Variants in BTAF1 observed in about 807,000 individuals in gnomAD.
BTAF1 encodes B-TFIID TATA-box binding protein associated factor 1.
A neutral mutation model predicts 227.1 loss-of-function variants in BTAF1; 38 were observed. The ratio of observed to expected loss-of-function variants is 0.17; its 90% CI spans 0.13 to 0.22. BTAF1 has a LOEUF of 0.22. BTAF1 is among the 10% of genes least tolerant of loss of function. The pLI is 1.00. For synonymous variants in BTAF1, 742 were observed against 751.9 expected (o/e 0.99, Z 0.21); for missense variants, 1,598 against 2,204.0 (o/e 0.73, Z 5.51).
Position 92,030,457 on chromosome 10 carries a change from A to C in BTAF1, c.*1524A>C, listed in dbSNP as rs541608428. The C allele has an allele frequency of 6.6e-6, 1 of 152,214 alleles. No homozygotes were observed. The highest frequency in any genetic ancestry group is 2.1e-4 in the South Asian group (1 of 4,822). The allele number at this position is 152,214 out of a possible 1,614,324, so 9.4% of individuals were successfully genotyped here. On this transcript the variant is annotated 3_prime_UTR_variant, in exon 38 of 38. Coordinates refer to ENST00000265990, the MANE Select transcript of BTAF1 (RefSeq NM_003972.3). ...TATGTAGAACATTTCAGTATATTTG[A>C]GTTGAATATTTTTTTATTAACTATT...
chr10:92,011,136 C>T lies in BTAF1; in HGVS notation c.4167C>T (p.Asp1389=). The change falls in exon 29 of 38, where the codon GAC becomes GAT. Residue 1389 remains aspartate (D), a synonymous_variant. Transcript: ENST00000265990. Reference sequence around the variant, plus strand: ...CTTCATATGATGTTGTGAGGAATGACATAGATTTCTTTAGGTAAGAATTAA... The same window carrying T: ...CTTCATATGATGTTGTGAGGAATGATATAGATTTCTTTAGGTAAGAATTAA... ...IVASYDVVRN[D]IDFFRNIKFN... 2 of 1,597,610 alleles carry T rather than the reference C, an allele frequency of 1.3e-6. No individual in the cohort carries two copies. Among genetic ancestry groups the T allele is most frequent in the Non-Finnish European group, 1.7e-6 (2 of 1,173,448 alleles).
intron 1 of BTAF1, 119 bp from the exon 2 acceptor site, chr10:91,935,538 G>T: frequency 9.6e-7 from 1 of 1,046,844 alleles, no homozygotes; most frequent in Non-Finnish European, 1.3e-6. Context: ...TCTTTCCGGG[G>T]CTCATTTATG....
intron 28 of BTAF1, among the ~76,000 whole-genome samples, chr10:92,010,156 T>C (rs1850199302): frequency 6.6e-6 from 1 of 152,142 alleles, no homozygotes; most frequent in South Asian, 2.1e-4. Context: ...GAGGTAGGAA[T>C]ACTGTTGTTC....
chr10:91,959,416 C>A, intron 9 of BTAF1: 1 of 525,160 alleles, frequency 1.9e-6, no homozygotes, highest in Non-Finnish European at 2.9e-6. Flanking sequence ...GACCGGTGTG[C>A]TTGATATGAG....
chr10:92,012,639 C>T (rs769731210), intron 30 of BTAF1, among the ~76,000 whole-genome samples: 26 of 151,166 alleles, frequency 1.7e-4, no homozygotes, highest in Middle Eastern at 3.4e-3. Context: ...GGCATGGTGA[C>T]GCACGCCTGT....
At chr10:91,930,163 T>C (rs1265028893) in intron 1 of BTAF1, among the ~76,000 whole-genome samples, 2 of 152,152 alleles carry the variant, frequency 1.3e-5, no homozygotes, top group South Asian at 2.1e-4. Flanking sequence ...ATACATAATA[T>C]GTATTAATAA....
chr10:91,980,921 C>A (rs1848021176), intron 15 of BTAF1, among the ~76,000 whole-genome samples: 2 of 152,078 alleles, frequency 1.3e-5, no homozygotes, highest in African/African-American at 4.8e-5. Flanking sequence ...AATATAGAGT[C>A]TAATTATTGT....
At position 91,926,932 on chromosome 10, in the gene BTAF1, T is replaced by C. The variant is rs148287011; in HGVS notation, c.14+2842T>C. Among the ~76,000 whole-genome samples, 6 of 152,318 alleles carry C rather than the reference T, an allele frequency of 3.9e-5. No homozygotes were observed. In the East Asian group the frequency reaches 9.6e-4, roughly 24 times the overall value. ...TCCACATTCTCAAACAAACATATCTTACCAAGTCCTTTGTGATCTGGTTCC... is the reference window on the plus strand; with the variant it reads ...TCCACATTCTCAAACAAACATATCTCACCAAGTCCTTTGTGATCTGGTTCC... On this transcript the variant is annotated intron_variant, in intron 1 of 37. Coordinates refer to ENST00000265990, the MANE Select transcript of BTAF1 (RefSeq NM_003972.3).
rs149912413 is a variant in BTAF1 at position 92,003,909 on chromosome 10, G to A, written c.3661-4214G>A. Among the ~76,000 whole-genome samples, 4 of 152,002 alleles carry A rather than the reference G, an allele frequency of 2.6e-5. No homozygotes were observed. In the East Asian group the frequency reaches 5.8e-4, roughly 22 times the overall value. On this transcript the variant is annotated intron_variant, in intron 25 of 37. Coordinates refer to ENST00000265990, the MANE Select transcript of BTAF1 (RefSeq NM_003972.3). ...TGTTTCTCCACATCTTCCTCCACAC[G>A]TTTTGTCTTTTTAATAATAGCTATT...
chr10:91,982,806 A>G (rs1848160354), intron 18 of BTAF1, 45 bp downstream of exon 18: 2 of 1,516,918 alleles, frequency 1.3e-6, no homozygotes, highest in Non-Finnish European at 1.8e-6. Flanking sequence ...TAAGTAAACC[A>G]ATTTCCATTA....
intron 6 of BTAF1, among the ~76,000 whole-genome samples, chr10:91,954,814 T>C (rs1432518063): frequency 6.6e-6 from 1 of 152,146 alleles, no homozygotes; most frequent in Non-Finnish European, 1.5e-5. Flanking sequence ...TTCCTCGGCC[T>C]CCCAAAGTGT....
At chr10:91,933,799 G>T (rs921300407) in intron 1 of BTAF1, among the ~76,000 whole-genome samples, 2 of 152,226 alleles carry the variant, frequency 1.3e-5, no homozygotes, top group Non-Finnish European at 2.9e-5. Context: ...GTGTTCTAGA[G>T]AGTGGAGATC....
chr10:91,931,478 C>G (rs1021240764), intron 1 of BTAF1, among the ~76,000 whole-genome samples: 4 of 152,192 alleles, frequency 2.6e-5, no homozygotes, highest in African/African-American at 9.7e-5. Flanking sequence ...CTTTTTCCTG[C>G]TAGCTGTGTG....
intron 1 of BTAF1, among the ~76,000 whole-genome samples, chr10:91,927,208 GACTCACCATA>G (rs1228060296): frequency 6.7e-6 from 1 of 150,068 alleles, no homozygotes; most frequent in Admixed American, 6.6e-5. Context: ...GTGCGTTCTT[GACTCACCATA>G]ACCTCCACCT....
chr10:91,993,694 G>C lies in BTAF1; in HGVS notation c.3046G>C (p.Ala1016Pro). 1 of 1,478,550 alleles carries C rather than the reference G, an allele frequency of 6.8e-7. No individual in the cohort carries two copies. The highest frequency in any genetic ancestry group is 9.1e-7 in the Non-Finnish European group (1 of 1,103,620). The allele number at this position is 1,478,550 out of a possible 1,614,324, so 91.6% of individuals were successfully genotyped here. A position where few individuals can be genotyped will look rare whatever the true frequency, so the allele number is the denominator to read the frequency against. The stretch of plus-strand genomic sequence containing the variant: ...TTTTTATCTAACATTTAATTTTAAG[G>C]CCCAGAAGCCTTACCTGGTACAACG... ...SGNILVELDE[A>P]QKPYLVQRRG... The change falls in exon 22 of 38, where the codon GCC becomes CCC. Residue 1016 changes from alanine (A) to proline (P), a missense_variant and splice_region_variant. Physicochemically the swap from Ala to Pro is conservative, Grantham distance 27. Around this residue, in one of 10 missense-constraint regions of BTAF1, gnomAD observed 425 missense variants for 491.2 expected, o/e 0.87. Transcript: ENST00000265990.
At chr10:92,001,063 A>G (rs531143203) in intron 25 of BTAF1, among the ~76,000 whole-genome samples, 1 of 152,342 alleles carries the variant, frequency 6.6e-6, no homozygotes, top group East Asian at 1.9e-4. Context: ...TGTACCAAAC[A>G]GTGGTTTTCA....
At position 91,942,427 on chromosome 10, in the gene BTAF1, A is replaced by G. The variant is rs1845081082; in HGVS notation, c.259A>G (p.Thr87Ala). The G allele has an allele frequency of 3.7e-6, 6 of 1,613,030 alleles. No individual in the cohort carries two copies. In the Admixed American group the frequency reaches 1.0e-4, roughly 27 times the overall value. ...TATTTTTAAACCTCATGTAGAACCT[A>G]CTTCCGAAAGTTCTATGGAAGATTC... The part of the protein sequence containing the change: ...NPVPRTRQEP[T>A]SESSMEDSPT... The change falls in exon 4 of 38, where the codon ACT becomes GCT. Residue 87 changes from threonine to alanine, a missense_variant. By Grantham distance (58) the Thr-to-Ala change is moderately conservative. Transcript: ENST00000265990.
At chr10:91,956,280 T>A (rs1846076639) in intron 6 of BTAF1, among the ~76,000 whole-genome samples, 2 of 152,184 alleles carry the variant, frequency 1.3e-5, no homozygotes, top group Non-Finnish European at 2.9e-5. Context: ...AAGATCCAAT[T>A]TGAAAAAAAG....
chr10:91,956,730 C>T, intron 7 of BTAF1, 73 bp downstream of exon 7: 1 of 1,501,002 alleles, frequency 6.7e-7, no homozygotes, highest in Non-Finnish European at 9.0e-7. Flanking sequence ...TGGCTCACTC[C>T]TGTAATCCCA....
Sources: gnomAD v4.1 joint callset for allele counts (sites outside exome capture counted in the v4.1 genomes callset) on GRCh38, gnomAD v4.1.1 for gene constraint, gnomAD v4.1.1 regional missense constraint, MANE v1.5 for transcripts, NCBI Gene and HGNC (gene_info 2026-07-23, HGNC 2026-07-21) for gene names.